The following GON4L variants were observed in gnomAD, a reference collection of about 807,000 sequenced individuals.
GON4L encodes the protein GON-4-like protein.
GON4L carries 87 observed loss-of-function variants against 211.8 expected under a neutral mutation model. The ratio of observed to expected loss-of-function variants is 0.41; its 90% CI spans 0.35 to 0.49. The LOEUF (loss-of-function observed/expected upper bound fraction) is 0.49. Ranked by LOEUF, GON4L falls within the 20% of genes least tolerant of loss-of-function variation. The pLI is 0.15. For synonymous variants in GON4L, 875 were observed against 962.6 expected, an observed-to-expected ratio of 0.91 and a Z score of 1.68; for missense variants, 2,155 against 2,659.5, an observed-to-expected ratio of 0.81 and a Z score of 4.17.
At position 155,751,879 on chromosome 1, in the gene GON4L, A is replaced by C. The variant is rs764849623; in HGVS notation, c.6474-10T>G. ...CACACGGTCAGCTTCCCTGTAACCC[A>C]GGTATCATGATTAACCCTAGGGAGC... On this transcript the variant is annotated splice_polypyrimidine_tract_variant and intron_variant, in intron 30 of 31. Transcript: ENST00000368331. 8 of 1,612,358 alleles carry C rather than the reference A, an allele frequency of 5.0e-6. No individual in the cohort carries two copies. The highest frequency in any genetic ancestry group is 6.8e-6 in the Non-Finnish European group (8 of 1,178,414).
At chr1:155,854,658 CAT>C (rs2102520303) in intron 1 of GON4L, among the ~76,000 whole-genome samples, 1 of 152,260 alleles carries the variant, frequency 6.6e-6, no homozygotes, top group South Asian at 2.1e-4. Context: ...ATGATCAATA[CAT>C]GTTTGCTATT....
At position 155,757,324 on chromosome 1, in the gene GON4L, C is replaced by G; in HGVS notation, c.5254-1G>C. The G allele has an allele frequency of 6.2e-7, 1 of 1,613,242 alleles. No homozygotes were observed. On this transcript the variant is annotated splice_acceptor_variant, in intron 25 of 31. Transcript: ENST00000368331. LOFTEE classifies it high-confidence loss of function. ...GGAGCTGCCACATCTGTGTCTTGAG[C>G]TGAGGAGAGTCACAGAGGGAAAGAG...
chr1:155,780,959 G>T (rs557840524), intron 14 of GON4L, among the ~76,000 whole-genome samples: 2 of 152,034 alleles, frequency 1.3e-5, no homozygotes, highest in East Asian at 3.9e-4. Context: ...ATTTACTGTG[G>T]GTTTGGGCAG....
At chr1:155,823,407 T>C (rs1039021467) in intron 3 of GON4L, among the ~76,000 whole-genome samples, 4 of 152,198 alleles carry the variant, frequency 2.6e-5, no homozygotes, top group Non-Finnish European at 4.4e-5. Context: ...AGGAAAATTA[T>C]TTCCTTAACC....
chr1:155,756,829 T>A (rs1205799766), intron 27 of GON4L, 129 bp downstream of exon 27: 1 of 679,196 alleles, frequency 1.5e-6, no homozygotes, highest in Non-Finnish European at 2.6e-6. Context: ...CTTGAGAGGC[T>A]GAGGTGGGAG....
intron 2 of GON4L, among the ~76,000 whole-genome samples, chr1:155,837,765 G>A (rs11264415): frequency 0.027 from 4,164 of 151,954 alleles, 200 homozygotes; most frequent in African/African-American, 0.092. Context: ...GATAAAAGAG[G>A]GTTTTAAAAT....
chr1:155,761,311 A>G (rs1661778140), intron 23 of GON4L, among the ~76,000 whole-genome samples: 1 of 149,716 alleles, frequency 6.7e-6, no homozygotes, highest in Non-Finnish European at 1.5e-5. Flanking sequence ...CTCCCAAAGT[A>G]CCTAGGACCA....
chr1:155,751,728 A>C, intron 31 of GON4L, 39 bp downstream of exon 31: 1 of 1,310,616 alleles, frequency 7.6e-7, no homozygotes. Context: ...GGCCACCTTG[A>C]CCTCTTTTTG....
At chr1:155,827,788 A>C (rs918880341) in intron 2 of GON4L, among the ~76,000 whole-genome samples, 7 of 152,098 alleles carry the variant, frequency 4.6e-5, no homozygotes, top group Non-Finnish European at 8.8e-5. Context: ...GGATCACTTG[A>C]ACCCAGGAGT....
chr1:155,748,796 C>G, downstream of GON4L: 1 of 1,609,424 alleles, frequency 6.2e-7, no homozygotes, highest in Non-Finnish European at 8.5e-7. Flanking sequence ...AAGGTGAGAG[C>G]TGTTGGTCCT....
chr1:155,852,876 G>T (rs943331689), intron 2 of GON4L, among the ~76,000 whole-genome samples: 1 of 152,188 alleles, frequency 6.6e-6, no homozygotes, highest in African/African-American at 2.4e-5. Flanking sequence ...ACTTTGGGAG[G>T]CCAAGGCAAA....
rs1384941820 is a variant in GON4L, at chr1:155,765,138, T to A, written c.4335A>T (p.Pro1445=). 7.4e-6 allele frequency: 12 copies of A among 1,614,212 alleles called. No homozygotes were observed. The highest frequency in any genetic ancestry group is 1.7e-6 in the Non-Finnish European group (2 of 1,180,016). The change falls in exon 21 of 32, where the codon CCA becomes CCT. Residue 1445 remains proline, a synonymous_variant. Transcript: ENST00000368331. Reference sequence around the variant, plus strand: ...TCTCTCCTCCAGTTTCTGGCCCAACTGGAGTCCCCACTGACTGACCATCAA... The same window carrying A: ...TCTCTCCTCCAGTTTCTGGCCCAACAGGAGTCCCCACTGACTGACCATCAA... ...SSVDGQSVGT[P]VGPETGGEKN... is the part of the protein sequence containing the mutation.
chr1:155,846,226 C>T (rs1671222642), intron 2 of GON4L: 2 of 224,916 alleles, frequency 8.9e-6, no homozygotes, highest in Non-Finnish European at 2.0e-5. Flanking sequence ...AGAAGAAAGA[C>T]AGGAAAAAGA....
At chr1:155,843,674 GGA>G (rs2102430748) in intron 2 of GON4L, among the ~76,000 whole-genome samples, 2 of 152,232 alleles carry the variant, frequency 1.3e-5, no homozygotes, top group East Asian at 3.9e-4. Context: ...TGGTAAACAA[GGA>G]GACTATACAT....
intron 22 of GON4L, among the ~76,000 whole-genome samples, 178 bp downstream of exon 22, chr1:155,763,134 G>C (rs746940497): frequency 1.3e-5 from 2 of 152,228 alleles, no homozygotes; most frequent in African/African-American, 2.4e-5. Context: ...CTGAGTATCT[G>C]TTCTCCACAA....
chr1:155,812,036 G>A (rs1246836367), intron 10 of GON4L, among the ~76,000 whole-genome samples: 1 of 152,008 alleles, frequency 6.6e-6, no homozygotes, highest in African/African-American at 2.4e-5. Context: ...GGGCAAGAGA[G>A]TGAGACTCCA....
At chr1:155,795,821 A>G (rs1214258154) in intron 11 of GON4L, among the ~76,000 whole-genome samples, 2 of 152,112 alleles carry the variant, frequency 1.3e-5, no homozygotes, top group African/African-American at 2.4e-5. Flanking sequence ...TATTTTTAGT[A>G]GAGACAGGGT....
chr1:155,751,764 T>C lies in GON4L; in HGVS notation c.6576+3A>G. 2 of 1,604,564 alleles carry C rather than the reference T, an allele frequency of 1.2e-6. No homozygotes were observed. The highest frequency in any genetic ancestry group is 1.7e-5 in the Admixed American group (1 of 59,542). The stretch of plus-strand genomic sequence containing the variant: ...CCAGGTCTTCACCCCAACCCGCACC[T>C]ACCTCAGCAGGGGTCTTATTTCCCA... On this transcript the variant is annotated splice_donor_region_variant and intron_variant, in intron 31 of 31. Transcript: ENST00000368331.
chr1:155,847,755 T>A (rs1362937368), intron 2 of GON4L, among the ~76,000 whole-genome samples: 2 of 151,706 alleles, frequency 1.3e-5, no homozygotes, highest in Non-Finnish European at 2.9e-5. Flanking sequence ...ATGCCTGTAG[T>A]CCCAGGTACT....
Sources: gnomAD v4.1 joint callset for allele counts (sites outside exome capture counted in the v4.1 genomes callset) on GRCh38, gnomAD v4.1.1 for gene constraint, MANE v1.5 for transcripts, NCBI Gene and HGNC (gene_info 2026-07-23, HGNC 2026-07-21) for gene names.